LRRC8B: variants seen among roughly 807,000 people sequenced by gnomAD.
LRRC8B encodes leucine rich repeat containing 8 VRAC subunit B, also known as volume-regulated anion channel subunit LRRC8B.
LRRC8B carries 23 observed loss-of-function variants against 58.8 expected under a neutral mutation model. The observed-to-expected ratio is 0.39, with a 90% confidence interval of 0.28 to 0.55. The LOEUF (loss-of-function observed/expected upper bound fraction) is 0.55. Ranked by LOEUF, LRRC8B falls within the 20% of genes least tolerant of loss-of-function variation. The pLI, the probability that LRRC8B is intolerant of heterozygous loss-of-function variation, is 0.62. For synonymous variants in LRRC8B, 359 were observed against 374.1 expected (o/e 0.96, Z 0.47); for missense variants, 694 against 936.0 (o/e 0.74, Z 3.37).
intron 1 of LRRC8B, among the ~76,000 whole-genome samples, chr1:89,530,746 T>G (rs1650063080): frequency 6.6e-6 from 1 of 152,190 alleles, no homozygotes; most frequent in Non-Finnish European, 1.5e-5. Context: ...TGGGATGGCC[T>G]TCTCAAAGCG....
chr1:89,543,848 C>T (rs192681562), intron 1 of LRRC8B, among the ~76,000 whole-genome samples: 29 of 151,632 alleles, frequency 1.9e-4, no homozygotes, highest in African/African-American at 7.0e-4. Flanking sequence ...AGTCCAGTGG[C>T]ACTGTCATGG....
Position 89,593,000 on chromosome 1 carries a change from T to C in LRRC8B, c.2369T>C (p.Leu790Pro), listed in dbSNP as rs1178604899. 1 of 1,614,074 alleles carries C rather than the reference T, an allele frequency of 6.2e-7. No individual in the cohort carries two copies. Among genetic ancestry groups the C allele is most frequent in the East Asian group, 2.2e-5 (1 of 44,882 alleles). Residue 790 changes from leucine (L) to proline (P), a missense_variant, in exon 6 of 6, where the codon CTC becomes CCC. This residue lies in a region of LRRC8B where 139 missense variants were observed against 158.2 expected (regional missense o/e 0.88). Transcript: ENST00000330947. ...GAGAACTTGCTCAATACTCTTCCTCTCCCTGTAACAGAACGTTTACAGACG... is the reference window on the plus strand; with the variant it reads ...GAGAACTTGCTCAATACTCTTCCTCCCCCTGTAACAGAACGTTTACAGACG... ...VEENLLNTLP[L>P]PVTERLQTCL... is the part of the protein sequence containing the mutation.
intron 1 of LRRC8B, among the ~76,000 whole-genome samples, chr1:89,530,468 G>T (rs1650045135): frequency 6.6e-6 from 1 of 152,024 alleles, no homozygotes; most frequent in South Asian, 2.1e-4. Context: ...GTTTATTTGG[G>T]CTATATTAGC....
In LRRC8B at chr1:89,583,239, G is replaced by A. The variant is rs777563534; in HGVS notation, c.589G>A (p.Ala197Thr). Residue 197 changes from alanine (A) to threonine (T), a missense_variant, in exon 5 of 6, where the codon GCT becomes ACT. Coordinates refer to ENST00000330947, the MANE Select transcript of LRRC8B (RefSeq NM_001369817.2). The surrounding 1 kb of genome is among the most constrained non-coding windows in gnomAD (Gnocchi z 5.2). ...TTTGCTTTCGTCCTCAGGGTGTTCAGCTGACATAGATTCCGGCAAACAGTC... is the reference window on the plus strand; with the variant it reads ...TTTGCTTTCGTCCTCAGGGTGTTCAACTGACATAGATTCCGGCAAACAGTC... ...KILLSSSGCSADIDSGKQSLP... is the reference protein window; with the variant it reads ...KILLSSSGCSTDIDSGKQSLP... The A allele has an allele frequency of 6.2e-7, 1 of 1,614,194 alleles. No homozygotes were observed. The highest frequency in any genetic ancestry group is 1.7e-5 in the Admixed American group (1 of 60,020).
chr1:89,563,214 G>A (rs1363544710), intron 1 of LRRC8B, among the ~76,000 whole-genome samples: 3 of 151,968 alleles, frequency 2.0e-5, no homozygotes, highest in Non-Finnish European at 4.4e-5. Context: ...ACTATTTTAA[G>A]TAATTTTTCC....
intron 1 of LRRC8B, among the ~76,000 whole-genome samples, chr1:89,562,023 C>T (rs17099922): frequency 0.039 from 5,936 of 152,100 alleles, 427 homozygotes; most frequent in African/African-American, 0.14. Context: ...GAGTTTATTA[C>T]GAAAGTCTCA....
At chr1:89,556,082 C>A (rs1352467229) in intron 1 of LRRC8B, among the ~76,000 whole-genome samples, 2 of 152,164 alleles carry the variant, frequency 1.3e-5, no homozygotes, top group African/African-American at 4.8e-5. Context: ...CTTTTACGCC[C>A]ACCATCAACT....
At chr1:89,528,889 A>T (rs771380632) in intron 1 of LRRC8B, among the ~76,000 whole-genome samples, 1 of 152,212 alleles carries the variant, frequency 6.6e-6, no homozygotes, top group Non-Finnish European at 1.5e-5. Context: ...GGATGCTGTC[A>T]TATACTTCTT....
intron 1 of LRRC8B, among the ~76,000 whole-genome samples, chr1:89,530,756 G>T (rs565951212): frequency 1.8e-4 from 27 of 152,316 alleles, no homozygotes; most frequent in Admixed American, 1.4e-3. Flanking sequence ...TTCTCAAAGC[G>T]GGTGGACAAC....
At position 89,582,634 on chromosome 1, in the gene LRRC8B, T is replaced by C. The variant is rs1654316448; in HGVS notation, c.-17T>C. The C allele has an allele frequency of 1.3e-6, 2 of 1,580,344 alleles. No homozygotes were observed. The highest frequency in any genetic ancestry group is 1.8e-4 in the Middle Eastern group (1 of 5,596). On this transcript the variant is annotated 5_prime_UTR_variant, in exon 5 of 6. Coordinates refer to ENST00000330947, the MANE Select transcript of LRRC8B (RefSeq NM_001369817.2). The stretch of plus-strand genomic sequence containing the variant: ...TATTTCCCTCTTCCAGTTTCTGTCC[T>C]CCTACAAGGGAAAGTCATGATTACA...
In LRRC8B at chr1:89,570,050, A is replaced by C. The variant is rs12091984; in HGVS notation, c.-125+1557A>C. On this transcript the variant is annotated intron_variant, in intron 3 of 5. Transcript: ENST00000330947. ...TCCATGTCCCTTCAAAGGACATGAT[A>C]CCATTCTTTTTTATGGCTGCATGGT... 5.5e-4 allele frequency among the ~76,000 whole-genome samples: 84 copies of C among 152,206 alleles called. 1 individual carries two copies. The highest frequency in any genetic ancestry group is 1.6e-3 in the African/African-American group (68 of 41,534).
chr1:89,553,179 T>A (rs1034665870), intron 1 of LRRC8B, among the ~76,000 whole-genome samples: 2 of 152,240 alleles, frequency 1.3e-5, no homozygotes, highest in African/African-American at 4.8e-5. Context: ...AAACACTCTT[T>A]AAAAATAATT....
At chr1:89,569,607 C>A (rs939120490) in intron 3 of LRRC8B, among the ~76,000 whole-genome samples, 1 of 152,176 alleles carries the variant, frequency 6.6e-6, no homozygotes, top group African/African-American at 2.4e-5. Context: ...CTAAGGGCCT[C>A]CAGCTTCATC....
chr1:89,580,786 CA>C (rs1427458483), intron 4 of LRRC8B, among the ~76,000 whole-genome samples: 3 of 152,058 alleles, frequency 2.0e-5, no homozygotes, highest in African/African-American at 7.2e-5. Context: ...AGAGAGGACA[CA>C]AGCAGAAAGT....
At chr1:89,550,750 T>TCTG (rs1180897000) in intron 1 of LRRC8B, among the ~76,000 whole-genome samples, 3 of 152,102 alleles carry the variant, frequency 2.0e-5, no homozygotes, top group Non-Finnish European at 2.9e-5. Flanking sequence ...AACCCACAGT[T>TCTG]CTGCCTAAAT....
chr1:89,552,801 T>TATTTGC (rs1651920513), intron 1 of LRRC8B, among the ~76,000 whole-genome samples: 1 of 152,198 alleles, frequency 6.6e-6, no homozygotes, highest in Admixed American at 6.5e-5. Context: ...CAGGAAAAGA[T>TATTTGC]ATTTGCATAG....
rs752227154 is a variant in LRRC8B at position 89,596,536 on chromosome 1, T to C, written c.*3493T>C. On this transcript the variant is annotated 3_prime_UTR_variant, in exon 6 of 6. Coordinates refer to ENST00000330947, the MANE Select transcript of LRRC8B (RefSeq NM_001369817.2). ...GTTTAATTAAAATATTGCATAATAT[T>C]GATGGGTTCAAAAACCATTAAAATA... 1.7e-4 allele frequency: 26 copies of C among 152,172 alleles called. No homozygotes were observed. The highest frequency in any genetic ancestry group is 5.5e-4 in the African/African-American group (23 of 41,452). The allele number at this position is 152,172 out of a possible 1,614,324, so 9.4% of individuals were successfully genotyped here.
intron 1 of LRRC8B, among the ~76,000 whole-genome samples, chr1:89,563,144 A>G (rs1404695574): frequency 6.6e-6 from 1 of 152,206 alleles, no homozygotes; most frequent in African/African-American, 2.4e-5. Context: ...TTCCTGTTTT[A>G]CATGAGTATA....
At chr1:89,546,068 A>T (rs921201271) in intron 1 of LRRC8B, among the ~76,000 whole-genome samples, 1 of 151,996 alleles carries the variant, frequency 6.6e-6, no homozygotes, top group Non-Finnish European at 1.5e-5. Context: ...CATAGTAAGA[A>T]TTTTTTTTAA....
Sources: allele counts gnomAD v4.1 joint callset (sites outside exome capture counted in the v4.1 genomes callset), GRCh38; gene constraint gnomAD v4.1.1; regional missense constraint gnomAD v4.1.1; non-coding constraint Gnocchi (gnomAD v3.1); transcripts MANE v1.5; gene names NCBI Gene and HGNC (gene_info 2026-07-23, HGNC 2026-07-21).